The following MTTP variants were observed in gnomAD, a reference collection of about 807,000 sequenced individuals.
The protein encoded by MTTP is microsomal triglyceride transfer protein, also known as microsomal triglyceride transfer protein large subunit.
In MTTP, 49 loss-of-function variants were observed where a neutral mutation model predicts 90.6. The ratio of observed to expected loss-of-function variants is 0.54; its 90% CI spans 0.43 to 0.69. The LOEUF is 0.69. Among genes scored for constraint, MTTP ranks in the 30% least tolerant of loss-of-function variants. The pLI, the probability that MTTP is intolerant of heterozygous loss-of-function variation, is 0.00. For synonymous variants in MTTP, 347 were observed against 384.2 expected (o/e 0.90, Z 1.13); for missense variants, 945 against 1,067.5 (o/e 0.89, Z 1.60).
chr4:99,578,407 G>A (rs1725019859), intron 1 of MTTP, among the ~76,000 whole-genome samples: 1 of 152,184 alleles, frequency 6.6e-6, no homozygotes, highest in South Asian at 2.1e-4. Flanking sequence ...GCCCAGTGTT[G>A]CCAGATCTCT....
chr4:99,615,505 T>C (rs1172911763), intron 15 of MTTP, among the ~76,000 whole-genome samples: 1 of 152,128 alleles, frequency 6.6e-6, no homozygotes, highest in African/African-American at 2.4e-5. Context: ...CAGGTTGGAG[T>C]ATTTGGCAGA....
At chr4:99,583,194 T>A (rs756496421) in intron 2 of MTTP, among the ~76,000 whole-genome samples, 180 bp from the exon 3 acceptor site, 35 of 152,176 alleles carry the variant, frequency 2.3e-4, no homozygotes, top group Non-Finnish European at 4.4e-4. Context: ...AACCTAGTTT[T>A]TAAATACCTT....
upstream of MTTP, among the ~76,000 whole-genome samples, chr4:99,573,401 C>A (rs933874265): frequency 2.6e-5 from 4 of 152,082 alleles, no homozygotes; most frequent in Non-Finnish European, 2.9e-5. Flanking sequence ...ACTTATATTT[C>A]TTTAACAAAG....
chr4:99,588,976 TAC>T (rs36037484), intron 3 of MTTP, among the ~76,000 whole-genome samples: 30 of 1,476 alleles, frequency 0.02, no homozygotes, highest in Admixed American at 0.056. Context: ...TTCATATATA[TAC>T]ACACATATAT....
In MTTP at chr4:99,622,917, T is replaced by A. The variant is rs1188833085; in HGVS notation, c.*69T>A. ...GACACAATGTGGCATGACTAAGTACTTGCTCTCTGAGAGCACAGCGTTTAC... is the reference window on the plus strand; with the variant it reads ...GACACAATGTGGCATGACTAAGTACATGCTCTCTGAGAGCACAGCGTTTAC... On this transcript the variant is annotated 3_prime_UTR_variant, in exon 18 of 18. Coordinates refer to ENST00000265517, the MANE Select transcript of MTTP (RefSeq NM_001386140.1). 1 of 1,515,708 alleles carries A rather than the reference T, an allele frequency of 6.6e-7. No individual in the cohort carries two copies. The highest frequency in any genetic ancestry group is 9.2e-7 in the Non-Finnish European group (1 of 1,091,010). 93.9% of individuals were successfully genotyped at this position (1,515,708 alleles called of 1,614,324 possible).
chr4:99,564,295 A>C, intron 1 of MTTP: 1 of 1,478,138 alleles, frequency 6.8e-7, no homozygotes, highest in Non-Finnish European at 9.1e-7. Context: ...AAAACAACGA[A>C]GAAAGGCTCC....
At chr4:99,596,982 A>G in intron 7 of MTTP, 85 bp from the exon 8 acceptor site, 2 of 1,582,480 alleles carry the variant, frequency 1.3e-6, no homozygotes, top group Non-Finnish European at 8.6e-7. Flanking sequence ...CACAAGGGAC[A>G]TTTTATTCCT....
At position 99,623,569 on chromosome 4, in the gene MTTP, G is replaced by T; in HGVS notation, c.*721G>T. On this transcript the variant is annotated 3_prime_UTR_variant, in exon 18 of 18. Coordinates refer to ENST00000265517, the MANE Select transcript of MTTP (RefSeq NM_001386140.1). ...ATTGGACCTAGCACAGAGGAATCAGGAAAATTAATTTCAGAAACTCCATTT... is the reference window on the plus strand; with the variant it reads ...ATTGGACCTAGCACAGAGGAATCAGTAAAATTAATTTCAGAAACTCCATTT... The T allele has an allele frequency of 6.6e-6, 1 of 152,362 alleles. No individual in the cohort carries two copies. The highest frequency in any genetic ancestry group is 1.9e-4 in the East Asian group (1 of 5,194). 9.4% of individuals were successfully genotyped at this position (152,362 alleles called of 1,614,324 possible).
chr4:99,592,030 C>A (rs1220020378), intron 6 of MTTP, among the ~76,000 whole-genome samples: 1 of 152,080 alleles, frequency 6.6e-6, no homozygotes, highest in Non-Finnish European at 1.5e-5. Context: ...TATGGTATAG[C>A]CTATTGCTCC....
intron 4 of MTTP, among the ~76,000 whole-genome samples, chr4:99,590,092 G>T (rs1725377776): frequency 6.6e-6 from 1 of 151,022 alleles, no homozygotes; most frequent in Non-Finnish European, 1.5e-5. Flanking sequence ...AGATCGGGGA[G>T]GACCCGAACG....
At chr4:99,566,071 C>T (rs1292575503) in intron 1 of MTTP, among the ~76,000 whole-genome samples, 1 of 151,974 alleles carries the variant, frequency 6.6e-6, no homozygotes, top group Non-Finnish European at 1.5e-5. Flanking sequence ...GGGCGGATCA[C>T]GAGGTCAGGA....
At chr4:99,601,798 T>C (rs1167023044) in intron 10 of MTTP, 84 bp downstream of exon 10, 7 of 1,048,438 alleles carry the variant, frequency 6.7e-6, no homozygotes, top group African/African-American at 4.7e-5. Context: ...CTATTGGCAC[T>C]CCTAATTCTC....
chr4:99,611,178 C>A lies in MTTP; in HGVS notation c.1805C>A (p.Ala602Asp). The A allele has an allele frequency of 6.2e-7, 1 of 1,613,980 alleles. No homozygotes were observed. Among genetic ancestry groups the A allele is most frequent in the Non-Finnish European group, 8.5e-7 (1 of 1,179,966 alleles). Reference protein sequence around the residue: ...IVRRVLKEMVAHNYDRFSRSG... With the variant: ...IVRRVLKEMVDHNYDRFSRSG... Reference sequence around the variant, plus strand: ...CGTCGAGTTCTGAAGGAAATGGTCGCTCACAATTATGACCGTTTCTCCAGG... The same window carrying A: ...CGTCGAGTTCTGAAGGAAATGGTCGATCACAATTATGACCGTTTCTCCAGG... The change falls in exon 13 of 18, where the codon GCT becomes GAT. Residue 602 changes from alanine (A) to aspartate (D), a missense_variant. Transcript: ENST00000265517.
At chr4:99,577,619 A>G (rs984941872) in intron 1 of MTTP, among the ~76,000 whole-genome samples, 22 of 135,108 alleles carry the variant, frequency 1.6e-4, no homozygotes, top group South Asian at 4.9e-4. Context: ...AAAAAAAAAA[A>G]AAAGAAAGAA....
intron 6 of MTTP, 99 bp downstream of exon 6, chr4:99,591,889 C>T (rs752322369): frequency 3.3e-4 from 323 of 993,566 alleles, no homozygotes; most frequent in Non-Finnish European, 3.8e-4. Context: ...TGTGTGTGTG[C>T]GCGTGTAGTC....
intron 10 of MTTP, among the ~76,000 whole-genome samples, chr4:99,605,953 T>C (rs1228479662): frequency 2.0e-5 from 3 of 151,916 alleles, no homozygotes; most frequent in Non-Finnish European, 4.4e-5. Context: ...ATCCTGTGGA[T>C]GAATTAGATC....
At chr4:99,579,848 G>A (rs187379554) in intron 1 of MTTP, among the ~76,000 whole-genome samples, 6 of 151,816 alleles carry the variant, frequency 4.0e-5, no homozygotes, top group Admixed American at 3.9e-4. Context: ...GACCAGCCTG[G>A]CCAACAAGGC....
chr4:99,594,155 G>A (rs1381727870), intron 6 of MTTP, among the ~76,000 whole-genome samples: 1 of 152,206 alleles, frequency 6.6e-6, no homozygotes, highest in East Asian at 1.9e-4. Flanking sequence ...CTGATAGTGT[G>A]CCAGAGAAAA....
intron 6 of MTTP, 146 bp from the exon 7 acceptor site, chr4:99,594,587 T>C: frequency 1.2e-6 from 1 of 853,360 alleles, no homozygotes; most frequent in Non-Finnish European, 1.9e-6. Context: ...AGCTTTCAGT[T>C]ACCTCTGGAG....
Sources: allele counts gnomAD v4.1 joint callset (sites outside exome capture counted in the v4.1 genomes callset), GRCh38; gene constraint gnomAD v4.1.1; transcripts MANE v1.5; gene names NCBI Gene and HGNC (gene_info 2026-07-23, HGNC 2026-07-21).